SND1: variants seen among roughly 807,000 people sequenced by gnomAD.
The protein encoded by SND1 is staphylococcal nuclease domain-containing protein 1.
A neutral mutation model predicts 121.7 loss-of-function variants in SND1; 38 were observed. The observed-to-expected ratio is 0.31, with a 90% CI of 0.24 to 0.41. The LOEUF (loss-of-function observed/expected upper bound fraction) is 0.41. Ranked by LOEUF, SND1 falls within the 10% of genes least tolerant of loss-of-function variation. The probability of loss-of-function intolerance (pLI) is 1.00; values close to 1 mark genes in which losing one functional copy is unlikely to be tolerated. For missense variants in SND1, 868 were observed against 1,184.6 expected (o/e 0.73, Z 3.92); for synonymous variants, 401 against 447.4 (o/e 0.90, Z 1.31).
At chr7:127,934,207 C>T (rs1801008149) in intron 15 of SND1, among the ~76,000 whole-genome samples, 1 of 152,126 alleles carries the variant, frequency 6.6e-6, no homozygotes, top group Non-Finnish European at 1.5e-5. Flanking sequence ...CACATTCTAG[C>T]TAGAGACAGC....
chr7:127,897,390 T>A (rs2116750765), intron 13 of SND1, among the ~76,000 whole-genome samples: 1 of 152,302 alleles, frequency 6.6e-6, no homozygotes, highest in African/African-American at 2.4e-5. Flanking sequence ...GTGTTTGTGT[T>A]ATGTAACAAG....
rs997454004 is a variant in SND1, at chr7:127,977,126, G to A, written c.1670-13821G>A. Among the ~76,000 whole-genome samples the A allele has an allele frequency of 1.1e-4, 16 of 152,080 alleles. No homozygotes were observed. The East Asian group carries it at 1.9e-3, about 18-fold the overall frequency. Reference sequence around the variant, plus strand: ...TTTCACTGCGAACGCTTCCGGAGTCGGCTCTCAACAGTGCAGAAAAAGGGA... The same window carrying A: ...TTTCACTGCGAACGCTTCCGGAGTCAGCTCTCAACAGTGCAGAAAAAGGGA... On this transcript the variant is annotated intron_variant, in intron 15 of 23. Transcript: ENST00000354725.
intron 12 of SND1, among the ~76,000 whole-genome samples, chr7:127,874,480 T>C (rs1799655386): frequency 6.6e-6 from 1 of 152,146 alleles, no homozygotes; most frequent in Non-Finnish European, 1.5e-5. Context: ...AAAAGTCCCC[T>C]GAGTGACTAC....
chr7:127,670,150 C>T (rs1795491233), intron 1 of SND1, among the ~76,000 whole-genome samples: 1 of 152,092 alleles, frequency 6.6e-6, no homozygotes, highest in Admixed American at 6.5e-5. Context: ...GCCACTGCAT[C>T]TGGCTAATTT....
chr7:127,750,591 GTTTTGGATTT>G (rs1231479554), intron 10 of SND1, among the ~76,000 whole-genome samples: 1 of 152,082 alleles, frequency 6.6e-6, no homozygotes, highest in African/African-American at 2.4e-5. Flanking sequence ...GACCAGAAGT[GTTTTGGATTT>G]TTTTGGATTT....
At chr7:127,679,390 A>T (rs1795670093) in intron 1 of SND1, 1 of 152,228 alleles carries the variant, frequency 6.6e-6, no homozygotes, top group African/African-American at 2.4e-5. Context: ...AGTAAAATAT[A>T]CATTTTATGT....
chr7:127,908,359 T>TGTGCGTGC (rs1491436509), intron 14 of SND1, among the ~76,000 whole-genome samples: 5 of 144,842 alleles, frequency 3.5e-5, no homozygotes, highest in Non-Finnish European at 7.6e-5. Context: ...TGTGTGTGTG[T>TGTGCGTGC]GCGTGCGTGT....
intron 10 of SND1, among the ~76,000 whole-genome samples, chr7:127,759,102 G>GA (rs1797252736): frequency 1.8e-5 from 1 of 55,212 alleles, no homozygotes; most frequent in Non-Finnish European, 4.2e-5. Flanking sequence ...AGATAGATAG[G>GA]CAGGCAGGCA....
chr7:127,885,012 A>G (rs541626183), intron 12 of SND1, among the ~76,000 whole-genome samples: 85 of 152,164 alleles, frequency 5.6e-4, no homozygotes, highest in East Asian at 2.1e-3. Context: ...CTGGCTATGG[A>G]GCCACCTTCC....
At chr7:127,894,881 A>T (rs576352143) in intron 13 of SND1, among the ~76,000 whole-genome samples, 23 of 151,780 alleles carry the variant, frequency 1.5e-4, no homozygotes, top group Non-Finnish European at 2.6e-4. Context: ...AACAAAAAAG[A>T]TAATAGACTC....
intron 16 of SND1, among the ~76,000 whole-genome samples, chr7:128,062,955 G>A (rs1037758054): frequency 6.6e-6 from 1 of 152,202 alleles, no homozygotes; most frequent in South Asian, 2.1e-4. Flanking sequence ...GTCTCAGCCC[G>A]TGTACTTAGA....
intron 10 of SND1, among the ~76,000 whole-genome samples, chr7:127,776,823 G>A (rs1797629372): frequency 6.6e-6 from 1 of 152,178 alleles, no homozygotes; most frequent in African/African-American, 2.4e-5. Context: ...TGTTGGGGTT[G>A]CATTCACTCT....
intron 16 of SND1, among the ~76,000 whole-genome samples, chr7:128,057,159 T>C (rs911477653): frequency 3.9e-5 from 6 of 152,122 alleles, no homozygotes; most frequent in Admixed American, 3.9e-4. Context: ...TGACCACGGG[T>C]AAATGAGACT....
chr7:127,824,817 T>G (rs1798613466), intron 11 of SND1, among the ~76,000 whole-genome samples: 1 of 152,300 alleles, frequency 6.6e-6, no homozygotes, highest in South Asian at 2.1e-4. Flanking sequence ...GTTCCTGACC[T>G]TGGAAAGCTT....
At chr7:127,780,504 G>T (rs1166535584) in intron 10 of SND1, among the ~76,000 whole-genome samples, 5 of 152,176 alleles carry the variant, frequency 3.3e-5, no homozygotes, top group African/African-American at 2.4e-5. Flanking sequence ...CTTGTCCAAG[G>T]TATGGATCCC....
intron 10 of SND1, among the ~76,000 whole-genome samples, chr7:127,798,755 A>C (rs1452724681): frequency 6.6e-6 from 1 of 152,182 alleles, no homozygotes; most frequent in Non-Finnish European, 1.5e-5. Flanking sequence ...TTATTTAAAA[A>C]TTCACATGGT....
At chr7:127,703,384 A>G in intron 7 of SND1, 61 bp downstream of exon 7, 1 of 1,567,154 alleles carries the variant, frequency 6.4e-7, no homozygotes. Context: ...GGTTTGAAGA[A>G]TAGGGGTTTG....
intron 10 of SND1, among the ~76,000 whole-genome samples, chr7:127,793,514 T>C (rs998023171): frequency 2.6e-5 from 4 of 152,252 alleles, no homozygotes; most frequent in Admixed American, 2.0e-4. Context: ...CCCTTTGTGT[T>C]AAGGGAGTTA....
chr7:127,718,608 A>G, intron 9 of SND1: 1 of 985,416 alleles, frequency 1.0e-6, no homozygotes, highest in Non-Finnish European at 1.2e-6. Flanking sequence ...GATGCTGAGC[A>G]GCAGAGAGAG....
Sources: gnomAD v4.1 joint callset for allele counts (sites outside exome capture counted in the v4.1 genomes callset) on GRCh38, gnomAD v4.1.1 for gene constraint, MANE v1.5 for transcripts, NCBI Gene and HGNC (gene_info 2026-07-23, HGNC 2026-07-21) for gene names.